PCDHA12: variants seen among roughly 807,000 people sequenced by gnomAD.
PCDHA12 encodes protocadherin alpha 12.
PCDHA12 carries 44 observed loss-of-function variants against 60.0 expected under a neutral mutation model. That is an observed-to-expected ratio of 0.73 (90% CI 0.58 to 0.94). The LOEUF (loss-of-function observed/expected upper bound fraction) is 0.94, where lower values mean the gene tolerates loss of function less well. Among genes scored for constraint, PCDHA12 ranks in the 40% least tolerant of loss-of-function variants. The pLI, the probability that PCDHA12 is intolerant of heterozygous loss-of-function variation, is 0.00. For synonymous variants in PCDHA12, 569 were observed against 553.0 expected (o/e 1.03, Z -0.40); for missense variants, 1,276 against 1,239.7 (o/e 1.03, Z -0.44).
At chr5:140,913,959 T>TA (rs1562996315) in intron 1 of PCDHA12, among the ~76,000 whole-genome samples, 4 of 152,166 alleles carry the variant, frequency 2.6e-5, no homozygotes, top group African/African-American at 7.2e-5. Context: ...GATATCATTT[T>TA]TAAAAAAATA....
intron 3 of PCDHA12, among the ~76,000 whole-genome samples, chr5:140,985,689 C>A (rs1237077456): frequency 6.6e-6 from 1 of 151,906 alleles, no homozygotes; most frequent in African/African-American, 2.4e-5. Flanking sequence ...TTACGCTAAT[C>A]CTCGTTCATA....
intron 1 of PCDHA12, among the ~76,000 whole-genome samples, chr5:140,973,733 C>G (rs1273705154): frequency 6.6e-6 from 1 of 152,216 alleles, no homozygotes; most frequent in Non-Finnish European, 1.5e-5. Context: ...GGCATCTGGT[C>G]TAACTCAGAA....
At chr5:140,927,669 T>G in intron 1 of PCDHA12, 1 of 1,614,106 alleles carries the variant, frequency 6.2e-7, no homozygotes. Context: ...AAGCCTTGGA[T>G]CCAGATGAAG....
intron 3 of PCDHA12, among the ~76,000 whole-genome samples, chr5:141,005,701 CAAAAAAA>C (rs59860837): frequency 1.3e-4 from 1 of 7,786 alleles, no homozygotes; most frequent in African/African-American, 4.7e-4. Context: ...AACTCCGTCT[CAAAAAAA>C]AAAAAAAAAA....
intron 1 of PCDHA12, among the ~76,000 whole-genome samples, chr5:140,974,111 T>C (rs1475006775): frequency 2.0e-5 from 3 of 152,280 alleles, no homozygotes; most frequent in Non-Finnish European, 4.4e-5. Flanking sequence ...AAGTATTCTT[T>C]TGCAGTGTTT....
chr5:140,956,960 TAATC>T (rs2307694), intron 1 of PCDHA12, among the ~76,000 whole-genome samples: 47,965 of 151,898 alleles, frequency 0.32, 7,886 homozygotes, highest in East Asian at 0.53. Flanking sequence ...ACACTGTAAT[TAATC>T]AGTCAATTTA....
chr5:141,011,104 C>A lies in PCDHA12; in HGVS notation c.*1167C>A, dbSNP rs1396728499. On this transcript the variant is annotated 3_prime_UTR_variant, in exon 4 of 4. Transcript: ENST00000398631. ...GATCTCTCTTTCTCTCTCTCTCTCT[C>A]TTTTCTAAGAAACAATTATGTGCAC... is the stretch of plus-strand genomic sequence containing the variant. 6.5e-6 allele frequency: 1 copy of A among 153,726 alleles called. No individual in the cohort carries two copies. The highest frequency in any genetic ancestry group is 1.5e-5 in the Non-Finnish European group (1 of 68,028). The allele number at this position is 153,726 out of a possible 1,614,324, so 9.5% of individuals were successfully genotyped here. A position where few individuals can be genotyped will look rare whatever the true frequency, so the allele number is the denominator to read the frequency against.
intron 1 of PCDHA12, chr5:140,878,049 A>G (rs1365340256): frequency 2.1e-6 from 1 of 479,780 alleles, no homozygotes; most frequent in African/African-American, 2.0e-5. Flanking sequence ...GCCATGGAGC[A>G]CCACACTTAA....
At chr5:140,997,967 G>A (rs1275111362) in intron 3 of PCDHA12, among the ~76,000 whole-genome samples, 1 of 152,104 alleles carries the variant, frequency 6.6e-6, no homozygotes, top group African/African-American at 2.4e-5. Flanking sequence ...CGTACCTGTG[G>A]TTGGACTGCA....
chr5:140,895,617 G>A (rs782388218), intron 1 of PCDHA12, among the ~76,000 whole-genome samples: 2 of 152,084 alleles, frequency 1.3e-5, no homozygotes, highest in Non-Finnish European at 2.9e-5. Context: ...CTCATTGAGG[G>A]TGTTGTCTTT....
chr5:140,884,198 C>G, intron 1 of PCDHA12: 1 of 1,613,442 alleles, frequency 6.2e-7, no homozygotes, highest in Non-Finnish European at 8.5e-7. Flanking sequence ...GGACGCGCCG[C>G]ACCACCGCCT....
chr5:140,928,940 AT>A (rs573936635), intron 1 of PCDHA12: 94 of 1,614,062 alleles, frequency 5.8e-5, no homozygotes, highest in Non-Finnish European at 7.9e-5. Flanking sequence ...CAGAACTTGT[AT>A]TTAGTAATTG....
chr5:140,875,754 G>A lies in PCDHA12; in HGVS notation c.282G>A (p.Lys94=), dbSNP rs369339386. The A allele has an allele frequency of 1.2e-6, 2 of 1,614,254 alleles. No individual in the cohort carries two copies. Among genetic ancestry groups the A allele is most frequent in the African/African-American group, 2.7e-5 (2 of 75,074 alleles). ...LFVNSRIDRE[K]LCGRSAECSI... ...TGAATTCTCGGATCGACCGCGAGAA[G>A]CTGTGCGGGCGGAGCGCGGAGTGCA... is the stretch of plus-strand genomic sequence containing the variant. Residue 94 remains lysine, a synonymous_variant, in exon 1 of 4, where the codon AAG becomes AAA. Transcript: ENST00000398631.
At position 140,913,249 on chromosome 5, in the gene PCDHA12, A is replaced by G. The variant is rs1389386272; in HGVS notation, c.2367+35410A>G. ...CTTTGCTGGGAGACTTTTTGTTACA[A>G]CTTTGATCTAATTACTTGTTATTGG... On this transcript the variant is annotated intron_variant, in intron 1 of 3. Transcript: ENST00000398631. Among the ~76,000 whole-genome samples the G allele has an allele frequency of 4.6e-5, 7 of 152,262 alleles. No individual in the cohort carries two copies. The East Asian group carries it at 9.6e-4, about 21-fold the overall frequency.
At chr5:140,967,150 C>G (rs1400431511) in intron 1 of PCDHA12, 1 of 1,610,886 alleles carries the variant, frequency 6.2e-7, no homozygotes, top group African/African-American at 1.3e-5. Context: ...CGCACAACCC[C>G]GTGGCGGTGA....
chr5:140,887,221 C>G lies in PCDHA12; in HGVS notation c.2367+9382C>G, dbSNP rs149306651. ...ACGCCATTCTCCTGCCTCAGCCTCCCGAGTAGCTGAGACTACCGGCGCCCG... is the reference window on the plus strand; with the variant it reads ...ACGCCATTCTCCTGCCTCAGCCTCCGGAGTAGCTGAGACTACCGGCGCCCG... On this transcript the variant is annotated intron_variant, in intron 1 of 3. Transcript: ENST00000398631. Among the ~76,000 whole-genome samples, 1,413 of 151,972 alleles carry G rather than the reference C, an allele frequency of 9.3e-3. 17 individuals carry two copies. The highest frequency in any genetic ancestry group is 0.033 in the African/African-American group (1,349 of 41,450).
intron 1 of PCDHA12, chr5:140,969,002 T>C (rs201544118): frequency 8.1e-6 from 13 of 1,614,214 alleles, no homozygotes; most frequent in Non-Finnish European, 1.1e-5. Context: ...TGGAGGCTTC[T>C]GTGGAGTAAG....
chr5:140,973,468 C>T (rs2096588845), intron 1 of PCDHA12, among the ~76,000 whole-genome samples: 1 of 152,202 alleles, frequency 6.6e-6, no homozygotes, highest in East Asian at 1.9e-4. Context: ...TTTTAGTTTG[C>T]AAATTTCATA....
chr5:140,899,491 A>T (rs1333944586), intron 1 of PCDHA12, among the ~76,000 whole-genome samples: 1 of 152,196 alleles, frequency 6.6e-6, no homozygotes, highest in East Asian at 1.9e-4. Flanking sequence ...GCTGGATTAC[A>T]TTTATTGATT....
Sources: gnomAD v4.1 joint callset for allele counts (sites outside exome capture counted in the v4.1 genomes callset) on GRCh38, gnomAD v4.1.1 for gene constraint, MANE v1.5 for transcripts, NCBI Gene and HGNC (gene_info 2026-07-23, HGNC 2026-07-21) for gene names.